EVC: variants seen among roughly 807,000 people sequenced by gnomAD.
EVC encodes EvC ciliary complex subunit 1, also known as evC complex member EVC.
A neutral mutation model predicts 118.9 loss-of-function variants in EVC; 116 were observed. The ratio of observed to expected loss-of-function variants is 0.98; its 90% CI spans 0.84 to 1.14. EVC has a LOEUF of 1.14. EVC is among the 50% of genes most tolerant of loss of function. The pLI is 0.00. For synonymous variants in EVC, 619 were observed against 534.7 expected, an observed-to-expected ratio of 1.16 and a Z score of -2.18; for missense variants, 1,401 against 1,246.4, an observed-to-expected ratio of 1.12 and a Z score of -1.87.
rs1560343801 is a variant in EVC, at chr4:5,754,050, C to T, written c.1464+117C>T. 1 of 1,338,104 alleles carries T rather than the reference C, an allele frequency of 7.5e-7. No individual in the cohort carries two copies. Among genetic ancestry groups the T allele is most frequent in the Non-Finnish European group, 1.1e-6 (1 of 945,268 alleles). The allele number at this position is 1,338,104 out of a possible 1,614,324, so 82.9% of individuals were successfully genotyped here. Reference sequence around the variant, plus strand: ...GGCATGAGGTTATCTGCCTACTTCCCATGTGTCAGCCGAGTGACCGAATCT... The same window carrying T: ...GGCATGAGGTTATCTGCCTACTTCCTATGTGTCAGCCGAGTGACCGAATCT... On this transcript the variant is annotated intron_variant, in intron 10 of 20. Coordinates refer to ENST00000264956, the MANE Select transcript of EVC (RefSeq NM_153717.3). The surrounding 1 kb of genome is among the most constrained non-coding windows in gnomAD (Gnocchi z 5.8).
intron 5 of EVC, among the ~76,000 whole-genome samples, chr4:5,739,292 A>T (rs1243716280): frequency 6.6e-6 from 1 of 152,202 alleles, no homozygotes; most frequent in Non-Finnish European, 1.5e-5. Flanking sequence ...ATCAGTCTTC[A>T]GTGAGTAGAA....
chr4:5,783,641 G>T lies in EVC; in HGVS notation c.1653G>T (p.Pro551=). 1 of 1,614,166 alleles carries T rather than the reference G, an allele frequency of 6.2e-7. No individual in the cohort carries two copies. Among genetic ancestry groups the T allele is most frequent in the Non-Finnish European group, 8.5e-7 (1 of 1,180,022 alleles). ...TCCCTGGCATGACTGGCCTCCCCCC[G>T]GAAGAGTGTGACTACTTGAGGCAGG... The part of the protein sequence containing the change: ...QTLPGMTGLP[P]EECDYLRQEV... Residue 551 remains proline (P), a synonymous_variant, in exon 12 of 21, where the codon CCG becomes CCT. Coordinates refer to ENST00000264956, the MANE Select transcript of EVC (RefSeq NM_153717.3).
rs1162854319 is a variant in EVC, at chr4:5,812,279, G to GGGGCCTTTCTC, written c.*1242_*1243insGGGCCTTTCTC. On this transcript the variant is annotated 3_prime_UTR_variant, in exon 21 of 21. Coordinates refer to ENST00000264956, the MANE Select transcript of EVC (RefSeq NM_153717.3). ...CCAGCCCCTCACACCACAGCCAGGA[G>GGGGCCTTTCTC]AGGCCTTTCCCACCGGGAGAGAAAC... 1 of 162,902 alleles carries GGGGCCTTTCTC rather than the reference G, an allele frequency of 6.1e-6. No individual in the cohort carries two copies. The highest frequency in any genetic ancestry group is 2.5e-5 in the African/African-American group (1 of 39,874). 10.1% of individuals were successfully genotyped at this position (162,902 alleles called of 1,614,324 possible). A position where few individuals can be genotyped will look rare whatever the true frequency, so the allele number is the denominator to read the frequency against.
Position 5,797,148 on chromosome 4 carries a change from G to A in EVC, c.2013G>A (p.Leu671=), listed in dbSNP as rs1237936378. 1.9e-6 allele frequency: 3 copies of A among 1,613,562 alleles called. No homozygotes were observed. In the Admixed American group the frequency reaches 5.0e-5, roughly 27 times the overall value. ...GGCTATCGGGGAAGAAGCACCTCCT[G>A]CAGGAGCTGCGGGAACAGCGTGCAC... ...QMRLSGKKHL[L]QELREQRALE... is the part of the protein sequence containing the mutation. Residue 671 remains leucine, a synonymous_variant, in exon 14 of 21, where the codon CTG becomes CTA. Coordinates refer to ENST00000264956, the MANE Select transcript of EVC (RefSeq NM_153717.3).
chr4:5,744,646 G>A (rs545392116), intron 6 of EVC, among the ~76,000 whole-genome samples: 92 of 152,206 alleles, frequency 6.0e-4, no homozygotes, highest in African/African-American at 1.8e-3. Flanking sequence ...AGCTAGTCAC[G>A]GGCAATGCTG....
Position 5,738,769 on chromosome 4 carries a change from G to A in EVC, c.703-2947G>A, listed in dbSNP as rs1476397012. Among the ~76,000 whole-genome samples, 1 of 152,052 alleles carries A rather than the reference G, an allele frequency of 6.6e-6. No individual in the cohort carries two copies. Among genetic ancestry groups the A allele is most frequent in the Non-Finnish European group, 1.5e-5 (1 of 68,028 alleles). ...TTTAGTAGAGACGGGGTTTCACCAT[G>A]TTGGCCAGGATGGGTCTCAATCTCT... On this transcript the variant is annotated intron_variant, in intron 5 of 20. Coordinates refer to ENST00000264956, the MANE Select transcript of EVC (RefSeq NM_153717.3). The surrounding 1 kb of genome is among the most constrained non-coding windows in gnomAD (Gnocchi z 6.5).
chr4:5,787,283 A>G (rs1265629985), intron 12 of EVC, among the ~76,000 whole-genome samples: 2 of 152,240 alleles, frequency 1.3e-5, no homozygotes, highest in Non-Finnish European at 2.9e-5. Flanking sequence ...AAACCCGTGA[A>G]TATGTCTGGT....
the EVC span, chr4:5,825,501 G>A: frequency 7.6e-6 from 12 of 1,572,640 alleles, no homozygotes; most frequent in Admixed American, 8.3e-5. This position sits in a 1 kb window ranked among gnomAD's most constrained non-coding sequence, Gnocchi z 4.4. Flanking sequence ...TACCTGATAA[G>A]CTGAAGTTGG....
intron 11 of EVC, among the ~76,000 whole-genome samples, chr4:5,761,362 G>A (rs1731977502): frequency 6.6e-6 from 1 of 151,988 alleles, no homozygotes. Context: ...GACTGAAGCA[G>A]GTGTCACAAT....
intron 1 of EVC, among the ~76,000 whole-genome samples, chr4:5,713,464 G>A (rs975806104): frequency 1.3e-5 from 2 of 152,114 alleles, no homozygotes; most frequent in Non-Finnish European, 2.9e-5. Context: ...GTTCAACTGA[G>A]GTCAGGAGTT....
chr4:5,741,553 GTTCCT>G (rs1169279391), intron 5 of EVC, among the ~76,000 whole-genome samples, 158 bp from the exon 6 acceptor site: 5 of 152,146 alleles, frequency 3.3e-5, no homozygotes, highest in Admixed American at 6.5e-5. Flanking sequence ...TATAATCGGA[GTTCCT>G]TTCCTTCAGC....
Position 5,810,460 on chromosome 4 carries a change from G to A in EVC, c.2894+10G>A. 1 of 1,599,942 alleles carries A rather than the reference G, an allele frequency of 6.3e-7. No homozygotes were observed. The highest frequency in any genetic ancestry group is 1.3e-5 in the African/African-American group (1 of 74,904). ...CCTCAGGCTCACTCAGGTATGACTGGGCCCCGGACCTGTTGCCTGTGGCTG... is the reference window on the plus strand; with the variant it reads ...CCTCAGGCTCACTCAGGTATGACTGAGCCCCGGACCTGTTGCCTGTGGCTG... On this transcript the variant is annotated intron_variant, in intron 20 of 20. Transcript: ENST00000264956.
At position 5,767,528 on chromosome 4, in the gene EVC, A is replaced by T. The variant is rs1033786291; in HGVS notation, c.1563+11166A>T. Reference sequence around the variant, plus strand: ...CTGCCACCTTGCAGTTTGATCTCAGACTGCTGTGCTAGCAATCAGCGAGAC... The same window carrying T: ...CTGCCACCTTGCAGTTTGATCTCAGTCTGCTGTGCTAGCAATCAGCGAGAC... On this transcript the variant is annotated intron_variant, in intron 11 of 20. Transcript: ENST00000264956. 5.3e-5 allele frequency among the ~76,000 whole-genome samples: 8 copies of T among 151,000 alleles called. No individual in the cohort carries two copies. The South Asian group carries it at 1.5e-3, about 28-fold the overall frequency.
rs577263762 is a variant in EVC, at chr4:5,711,345, G to A, written c.-36G>A. 5,990 of 1,007,450 alleles carry A rather than the reference G, an allele frequency of 5.9e-3. 21 individuals carry two copies. Among genetic ancestry groups the A allele is most frequent in the Non-Finnish European group, 6.8e-3 (5,727 of 845,382 alleles). The allele number at this position is 1,007,450 out of a possible 1,614,324, so 62.4% of individuals were successfully genotyped here. On this transcript the variant is annotated 5_prime_UTR_variant, in exon 1 of 21. Coordinates refer to ENST00000264956, the MANE Select transcript of EVC (RefSeq NM_153717.3). ...CCTGGCGGGGACGGTGCAGCAGGCG[G>A]CGGGATGCGGCGGGGCGGCAGCCTG... is the stretch of plus-strand genomic sequence containing the variant.
Position 5,738,644 on chromosome 4 carries a change from G to A in EVC, c.703-3072G>A, listed in dbSNP as rs1281231780. The stretch of plus-strand genomic sequence containing the variant: ...TTTAAGACGGAGATCTCAACTCACT[G>A]CAAACTTTGCCTCCCAGATTCAAGT... On this transcript the variant is annotated intron_variant, in intron 5 of 20. Transcript: ENST00000264956. This position sits in a 1 kb window ranked among gnomAD's most constrained non-coding sequence, Gnocchi z 6.5. 6.6e-6 allele frequency among the ~76,000 whole-genome samples: 1 copy of A among 150,602 alleles called. No individual in the cohort carries two copies. Among genetic ancestry groups the A allele is most frequent in the Non-Finnish European group, 1.5e-5 (1 of 67,822 alleles).
rs1730039350 is a variant in EVC at position 5,749,596 on chromosome 4, A to C, written c.1098+1290A>C. Among the ~76,000 whole-genome samples the C allele has an allele frequency of 6.6e-6, 1 of 152,114 alleles. No individual in the cohort carries two copies. Among genetic ancestry groups the C allele is most frequent in the African/African-American group, 2.4e-5 (1 of 41,422 alleles). On this transcript the variant is annotated intron_variant, in intron 8 of 20. Coordinates refer to ENST00000264956, the MANE Select transcript of EVC (RefSeq NM_153717.3). This position sits in a 1 kb window ranked among gnomAD's most constrained non-coding sequence, Gnocchi z 4.4. ...ACAGACAGGGCCTGGCTAGATGCTG[A>C]GTGACTCCTAACACCCCAGTCACCA...
At chr4:5,790,453 A>G (rs989282212) in intron 12 of EVC, among the ~76,000 whole-genome samples, 1 of 152,152 alleles carries the variant, frequency 6.6e-6, no homozygotes, top group African/African-American at 2.4e-5. Flanking sequence ...CGCCATCTCC[A>G]GGATGCCAGA....
At chr4:5,810,888 G>C in intron 20 of EVC, 65 bp from the exon 21 acceptor site, 8 of 1,425,906 alleles carry the variant, frequency 5.6e-6, no homozygotes, top group Non-Finnish European at 7.8e-6. Context: ...GATTGGGTAA[G>C]TTATGGCATC....
chr4:5,720,825 C>G (rs1108763), intron 2 of EVC, among the ~76,000 whole-genome samples: 13,122 of 152,278 alleles, frequency 0.086, 731 homozygotes, highest in Middle Eastern at 0.13. Flanking sequence ...TAATGGGCAT[C>G]TGCTAGGTGT....
Sources: allele counts gnomAD v4.1 joint callset (sites outside exome capture counted in the v4.1 genomes callset), GRCh38; gene constraint gnomAD v4.1.1; non-coding constraint Gnocchi (gnomAD v3.1); transcripts MANE v1.5; gene names NCBI Gene and HGNC (gene_info 2026-07-23, HGNC 2026-07-21).